Variants in NMD3 observed in about 807,000 individuals in gnomAD.
The protein encoded by NMD3 is 60S ribosomal export protein NMD3.
Under a neutral mutation model 73.1 loss-of-function variants are expected in NMD3, and 47 were observed. That is an observed-to-expected ratio of 0.64 (90% CI 0.51 to 0.82). The LOEUF (loss-of-function observed/expected upper bound fraction) is 0.82, where lower values mean the gene tolerates loss of function less well. Among genes scored for constraint, NMD3 ranks in the 40% least tolerant of loss-of-function variants. The pLI is 0.00. For synonymous variants in NMD3, 210 were observed against 194.5 expected (o/e 1.08, Z -0.66); for missense variants, 554 against 612.5 (o/e 0.90, Z 1.01).
intron 2 of NMD3, among the ~76,000 whole-genome samples, chr3:161,223,881 A>C (rs1736205044): frequency 6.6e-6 from 1 of 152,210 alleles, no homozygotes; most frequent in Non-Finnish European, 1.5e-5. Flanking sequence ...AGTGCTTCTC[A>C]AATTTTTCCC....
chr3:161,242,428 C>A, intron 10 of NMD3, 80 bp from the exon 11 acceptor site: 1 of 1,314,902 alleles, frequency 7.6e-7, no homozygotes, highest in Non-Finnish European at 1.1e-6. Flanking sequence ...TGGTATCTAC[C>A]AGTTTATTCT....
chr3:161,233,885 G>T (rs1263028986), intron 5 of NMD3, among the ~76,000 whole-genome samples: 1 of 150,676 alleles, frequency 6.6e-6, no homozygotes, highest in East Asian at 2.0e-4. Context: ...TGGATTTTTT[G>T]GATTTTGGAA....
chr3:161,222,757 C>G (rs1480297811), intron 2 of NMD3, among the ~76,000 whole-genome samples: 1 of 152,198 alleles, frequency 6.6e-6, no homozygotes, highest in Non-Finnish European at 1.5e-5. Context: ...TGTAGTCCTT[C>G]TGTCTAGAAT....
At position 161,238,188 on chromosome 3, in the gene NMD3, G is replaced by A. The variant is rs755202238; in HGVS notation, c.653G>A (p.Cys218Tyr). ...MVEFLQCTVP[C>Y]RYKASQRLIS... ...GAATTTCTTCAGTGTACAGTTCCCT[G>A]TAGGTATGTTCTGAACCTTGAATGT... Residue 218 changes from cysteine to tyrosine, a missense_variant, in exon 8 of 16, where the codon TGT (cysteine) becomes TAT (tyrosine). Physicochemically the swap from Cys to Tyr is radical, Grantham distance 194. Coordinates refer to ENST00000351193, the MANE Select transcript of NMD3 (RefSeq NM_015938.5). 6.3e-7 allele frequency: 1 copy of A among 1,590,078 alleles called. No individual in the cohort carries two copies. The highest frequency in any genetic ancestry group is 1.1e-5 in the South Asian group (1 of 88,306).
At chr3:161,221,826 C>T in intron 1 of NMD3, 168 bp from the exon 2 acceptor site, 1 of 491,020 alleles carries the variant, frequency 2.0e-6, no homozygotes, top group Non-Finnish European at 3.6e-6. Flanking sequence ...TTTTAACGAA[C>T]TTACCCAGTG....
intron 9 of NMD3, among the ~76,000 whole-genome samples, chr3:161,240,268 G>A (rs1210372910): frequency 6.6e-6 from 1 of 152,054 alleles, no homozygotes; most frequent in African/African-American, 2.4e-5. Context: ...CAATATAAAT[G>A]TAGACATGTG....
At position 161,251,714 on chromosome 3, in the gene NMD3, A is replaced by G. The variant is rs903076303; in HGVS notation, c.*804A>G. Reference sequence around the variant, plus strand: ...TAAATTGAGAAGGAATTTTCTCTCTATAAGTTTCTGTCATTGAACAGATCA... The same window carrying G: ...TAAATTGAGAAGGAATTTTCTCTCTGTAAGTTTCTGTCATTGAACAGATCA... On this transcript the variant is annotated 3_prime_UTR_variant, in exon 16 of 16. Coordinates refer to ENST00000351193, the MANE Select transcript of NMD3 (RefSeq NM_015938.5). 10 of 152,158 alleles carry G rather than the reference A, an allele frequency of 6.6e-5. No individual in the cohort carries two copies. Among genetic ancestry groups the G allele is most frequent in the African/African-American group, 2.2e-4 (9 of 41,456 alleles). The allele number at this position is 152,158 out of a possible 1,614,324, so 9.4% of individuals were successfully genotyped here.
At chr3:161,242,241 TCTTA>T (rs949228201) in intron 10 of NMD3, among the ~76,000 whole-genome samples, 5 of 152,104 alleles carry the variant, frequency 3.3e-5, no homozygotes, top group African/African-American at 7.2e-5. Context: ...TTGGCTCTGA[TCTTA>T]CTTAAGAGGC....
intron 11 of NMD3, among the ~76,000 whole-genome samples, chr3:161,244,440 TATTA>T (rs1161118146): frequency 2.0e-5 from 3 of 152,202 alleles, no homozygotes; most frequent in Non-Finnish European, 4.4e-5. Context: ...ATGCATAAAT[TATTA>T]ATTCTTTTAG....
intron 10 of NMD3, 105 bp from the exon 11 acceptor site, chr3:161,242,403 C>T: frequency 2.0e-6 from 2 of 1,024,958 alleles, no homozygotes; most frequent in Non-Finnish European, 1.4e-6. Context: ...TTCTGTTGAC[C>T]TGCCACTTCC....
rs374094659 is a variant in NMD3, at chr3:161,248,655, C to T, written c.1204-799C>T. Among the ~76,000 whole-genome samples, 205 of 152,236 alleles carry T rather than the reference C, an allele frequency of 1.3e-3. 7 individuals carry two copies. In the South Asian group the frequency reaches 0.041, roughly 31 times the overall value. On this transcript the variant is annotated intron_variant, in intron 13 of 15. Coordinates refer to ENST00000351193, the MANE Select transcript of NMD3 (RefSeq NM_015938.5). Reference sequence around the variant, plus strand: ...GAATAAAATATCCGTGAAAAATAATCTTCACAGTATCAAGCCTTGGAAAAA... The same window carrying T: ...GAATAAAATATCCGTGAAAAATAATTTTCACAGTATCAAGCCTTGGAAAAA...
In NMD3 at chr3:161,238,204, C is replaced by T; in HGVS notation, c.656+13C>T. On this transcript the variant is annotated intron_variant, in intron 8 of 15. Transcript: ENST00000351193. ...CAGTTCCCTGTAGGTATGTTCTGAA[C>T]CTTGAATGTGACTAAATCTAAGGAC... 6.6e-7 allele frequency: 1 copy of T among 1,525,720 alleles called. No individual in the cohort carries two copies. Among genetic ancestry groups the T allele is most frequent in the Non-Finnish European group, 9.0e-7 (1 of 1,113,558 alleles). 94.5% of individuals were successfully genotyped at this position (1,525,720 alleles called of 1,614,324 possible).
chr3:161,248,421 T>C (rs1050857027), intron 13 of NMD3, among the ~76,000 whole-genome samples: 1 of 152,024 alleles, frequency 6.6e-6, no homozygotes, highest in African/African-American at 2.4e-5. Flanking sequence ...ACCTGGGAAG[T>C]GGAGGTTGCA....
At chr3:161,250,463 C>CA (rs906251286) in intron 15 of NMD3, 137 bp downstream of exon 15, 27 of 589,958 alleles carry the variant, frequency 4.6e-5, no homozygotes, top group Non-Finnish European at 8.0e-5. Context: ...CACACTTCTA[C>CA]AAAAAAACTT....
intron 12 of NMD3, among the ~76,000 whole-genome samples, chr3:161,246,688 G>C (rs945196244): frequency 3.3e-5 from 5 of 152,090 alleles, no homozygotes; most frequent in Non-Finnish European, 7.4e-5. Flanking sequence ...TGTTAATTGA[G>C]CCTTGAAGTT....
intron 7 of NMD3, among the ~76,000 whole-genome samples, chr3:161,236,548 T>C (rs1344155915): frequency 7.9e-5 from 12 of 152,156 alleles, no homozygotes; most frequent in African/African-American, 2.7e-4. Flanking sequence ...TGGTGTCCTT[T>C]GAATTGCAAA....
At chr3:161,222,541 A>G (rs1318219008) in intron 2 of NMD3, among the ~76,000 whole-genome samples, 1 of 151,998 alleles carries the variant, frequency 6.6e-6, no homozygotes, top group East Asian at 1.9e-4. Context: ...TGAACATCTT[A>G]AATCTTAGTT....
At chr3:161,237,681 G>C (rs924882701) in intron 7 of NMD3, among the ~76,000 whole-genome samples, 4 of 151,548 alleles carry the variant, frequency 2.6e-5, no homozygotes, top group Admixed American at 2.6e-4. Flanking sequence ...CTGAGATTTG[G>C]CACATGCCAC....
In NMD3 at chr3:161,234,042, G is replaced by A. The variant is rs1736643649; in HGVS notation, c.357+563G>A. On this transcript the variant is annotated intron_variant, in intron 5 of 15. Transcript: ENST00000351193. ...GATTCTGGGTTTTTGGATTTGGAAT[G>A]TTCAATCTGTATTTAAAAAGCTTCC... Among the ~76,000 whole-genome samples the A allele has an allele frequency of 3.3e-5, 5 of 152,248 alleles. No homozygotes were observed. The South Asian group carries it at 1.0e-3, about 32-fold the overall frequency.
Sources: gnomAD v4.1 joint callset for allele counts (sites outside exome capture counted in the v4.1 genomes callset) on GRCh38, gnomAD v4.1.1 for gene constraint, MANE v1.5 for transcripts, NCBI Gene and HGNC (gene_info 2026-07-23, HGNC 2026-07-21) for gene names.